The following KCNMA1 variants were observed in gnomAD, a reference collection of about 807,000 sequenced individuals.
KCNMA1 encodes the protein Calcium-activated potassium channel subunit alpha-1.
Under a neutral mutation model 140.0 loss-of-function variants are expected in KCNMA1, and 29 were observed. That is an observed-to-expected ratio of 0.21 (90% CI 0.15 to 0.28). The LOEUF is 0.28. KCNMA1 is among the 10% of genes least tolerant of loss of function. The pLI is 1.00. For missense variants in KCNMA1, 880 were observed against 1,602.2 expected, an observed-to-expected ratio of 0.55 and a Z score of 7.70; for synonymous variants, 612 against 611.9, an observed-to-expected ratio of 1.00 and a Z score of 0.00.
At chr10:77,456,457 T>C (rs565342143) in intron 1 of KCNMA1, among the ~76,000 whole-genome samples, 4 of 152,208 alleles carry the variant, frequency 2.6e-5, no homozygotes, top group African/African-American at 9.6e-5. Context: ...ATGACCTTGT[T>C]GCTGCATTTG....
intron 2 of KCNMA1, among the ~76,000 whole-genome samples, chr10:77,382,688 A>G (rs1265463555): frequency 1.3e-5 from 2 of 151,544 alleles, no homozygotes; most frequent in East Asian, 3.9e-4. Context: ...AACATGGTAA[A>G]ACCCTGTCTC....
At chr10:77,251,056 G>A in intron 3 of KCNMA1, 139 bp downstream of exon 3, 2 of 736,622 alleles carry the variant, frequency 2.7e-6, no homozygotes, top group Non-Finnish European at 4.9e-6. Context: ...AATCAGTACA[G>A]TACAGCACTA....
At chr10:77,214,402 A>C (rs2047061768) in intron 3 of KCNMA1, among the ~76,000 whole-genome samples, 1 of 152,102 alleles carries the variant, frequency 6.6e-6, no homozygotes, top group Non-Finnish European at 1.5e-5. Context: ...CTGCACTTAC[A>C]GGCGCCCAGC....
intron 1 of KCNMA1, among the ~76,000 whole-genome samples, chr10:77,456,663 G>C (rs2097767307): frequency 6.6e-6 from 1 of 152,206 alleles, no homozygotes; most frequent in South Asian, 2.1e-4. Context: ...CCTGCATCGA[G>C]CACTATGTGG....
intron 23 of KCNMA1, among the ~76,000 whole-genome samples, chr10:76,937,541 T>C (rs947403844): frequency 1.3e-5 from 2 of 152,238 alleles, no homozygotes; most frequent in Non-Finnish European, 2.9e-5. Flanking sequence ...TTCTGTCCTG[T>C]GGATTTCATC....
chr10:77,313,486 A>T (rs1180992849), intron 2 of KCNMA1, among the ~76,000 whole-genome samples: 1 of 152,078 alleles, frequency 6.6e-6, no homozygotes, highest in Non-Finnish European at 1.5e-5. Context: ...TTACTGAAGG[A>T]TGTGAAATTC....
At chr10:76,974,942 T>C (rs1024266933) in intron 19 of KCNMA1, among the ~76,000 whole-genome samples, 1 of 152,204 alleles carries the variant, frequency 6.6e-6, no homozygotes, top group African/African-American at 2.4e-5. Flanking sequence ...CAAATTCTAC[T>C]GAATAATCAT....
At chr10:77,121,282 G>A (rs2097586236) in intron 5 of KCNMA1, among the ~76,000 whole-genome samples, 1 of 152,164 alleles carries the variant, frequency 6.6e-6, no homozygotes, top group South Asian at 2.1e-4. Context: ...CTCTTTAGAG[G>A]AAGGGCTCAT....
intron 1 of KCNMA1, among the ~76,000 whole-genome samples, chr10:77,608,063 C>T (rs1255908774): frequency 3.9e-5 from 6 of 152,154 alleles, no homozygotes; most frequent in African/African-American, 1.4e-4. Context: ...GTCCTTCCAG[C>T]TCTCATTCCT....
At chr10:77,155,010 C>T (rs961442064) in intron 5 of KCNMA1, among the ~76,000 whole-genome samples, 2 of 152,146 alleles carry the variant, frequency 1.3e-5, no homozygotes, top group Non-Finnish European at 2.9e-5. Context: ...GGGCAAGTGC[C>T]ATCCAAAGGA....
chr10:77,238,257 G>C (rs992306543), intron 3 of KCNMA1, among the ~76,000 whole-genome samples: 1 of 152,152 alleles, frequency 6.6e-6, no homozygotes, highest in Non-Finnish European at 1.5e-5. Context: ...GCCTTGTACA[G>C]AAGTGGCAGC....
intron 1 of KCNMA1, among the ~76,000 whole-genome samples, chr10:77,507,049 T>C (rs1037185741): frequency 6.6e-6 from 1 of 152,206 alleles, no homozygotes; most frequent in Admixed American, 6.5e-5. Context: ...CCCATGTGTA[T>C]GCTGTCCCCT....
At chr10:77,462,761 C>A (rs573960900) in intron 1 of KCNMA1, among the ~76,000 whole-genome samples, 1 of 152,184 alleles carries the variant, frequency 6.6e-6, no homozygotes, top group African/African-American at 2.4e-5. Flanking sequence ...CCTCAATGGA[C>A]GGATGAATGA....
At chr10:77,355,935 G>A (rs558699580) in intron 2 of KCNMA1, among the ~76,000 whole-genome samples, 5 of 151,744 alleles carry the variant, frequency 3.3e-5, no homozygotes, top group South Asian at 2.1e-4. Flanking sequence ...GTGAAAAAAC[G>A]ACCCCCTGTA....
intron 1 of KCNMA1, among the ~76,000 whole-genome samples, chr10:77,514,108 G>A (rs575738351): frequency 1.3e-5 from 2 of 152,316 alleles, no homozygotes; most frequent in Non-Finnish European, 2.9e-5. Context: ...GGGCCTCCCC[G>A]CTAACATCAG....
At chr10:77,419,419 C>T (rs2096821839) in intron 1 of KCNMA1, among the ~76,000 whole-genome samples, 2 of 152,132 alleles carry the variant, frequency 1.3e-5, no homozygotes, top group Non-Finnish European at 2.9e-5. Flanking sequence ...TTACCTGAAT[C>T]CCAAGTCTCT....
rs367657629 is a variant in KCNMA1, at chr10:77,152,882, C to A, written c.808+30539G>T. On this transcript the variant is annotated intron_variant, in intron 5 of 27. Coordinates refer to ENST00000286628, the MANE Select transcript of KCNMA1 (RefSeq NM_001161352.2). ...TTGATGTGAGGCTTAAATGAAGCGG[C>A]GGATGGAAAGGACTGATTGCGACCC... Among the ~76,000 whole-genome samples the A allele has an allele frequency of 6.3e-4, 96 of 152,232 alleles. 2 individuals carry two copies. In the South Asian group the frequency reaches 8.3e-3, roughly 13 times the overall value.
chr10:77,235,580 G>A (rs1036187201), intron 3 of KCNMA1, among the ~76,000 whole-genome samples: 3 of 152,158 alleles, frequency 2.0e-5, no homozygotes, highest in Non-Finnish European at 2.9e-5. Context: ...CCTCTTTCCT[G>A]TGCCTCATTT....
chr10:77,636,401 A>C (rs1448395716), intron 1 of KCNMA1: 10 of 1,535,972 alleles, frequency 6.5e-6, no homozygotes, highest in Non-Finnish European at 7.8e-6. Flanking sequence ...AGCCGACGAC[A>C]TCTAGCCACC....
Sources: allele counts gnomAD v4.1 joint callset (sites outside exome capture counted in the v4.1 genomes callset), GRCh38; gene constraint gnomAD v4.1.1; transcripts MANE v1.5; gene names NCBI Gene and HGNC (gene_info 2026-07-23, HGNC 2026-07-21).